Variants in GANC observed in about 807,000 individuals in gnomAD.
The protein encoded by GANC is neutral alpha-glucosidase C.
A neutral mutation model predicts 124.2 loss-of-function variants in GANC; 117 were observed. The observed-to-expected ratio is 0.94, with a 90% CI of 0.81 to 1.10. The LOEUF is 1.10. GANC is among the 50% of genes least tolerant of loss of function. The pLI, the probability that GANC is intolerant of heterozygous loss-of-function variation, is 0.00. For missense variants in GANC, 1,140 were observed against 1,095.0 expected (o/e 1.04, Z -0.58); for synonymous variants, 377 against 376.8 (o/e 1.00, Z -0.01).
intron 10 of GANC, chr15:42,313,980 ATT>A (rs2052080267): frequency 1.4e-5 from 9 of 666,006 alleles, no homozygotes; most frequent in Non-Finnish European, 2.4e-5. Flanking sequence ...CAACAACAAA[ATT>A]AATGTAATAG....
In GANC at chr15:42,274,277, G is replaced by A; in HGVS notation, c.-205G>A. The A allele has an allele frequency of 1.7e-6, 1 of 603,470 alleles. No individual in the cohort carries two copies. The highest frequency in any genetic ancestry group is 2.9e-6 in the Non-Finnish European group (1 of 339,344). The allele number at this position is 603,470 out of a possible 1,614,324, so 37.4% of individuals were successfully genotyped here. On this transcript the variant is annotated 5_prime_UTR_variant, in exon 1 of 24. Coordinates refer to ENST00000318010, the MANE Select transcript of GANC (RefSeq NM_198141.3). ...CAAATTTGCCAAATAAATCATTGTAGAAACGCTAGTTTGGGCCTGAAAAAT... is the reference window on the plus strand; with the variant it reads ...CAAATTTGCCAAATAAATCATTGTAAAAACGCTAGTTTGGGCCTGAAAAAT...
intron 11 of GANC, among the ~76,000 whole-genome samples, chr15:42,323,738 G>A (rs533899547): frequency 6.6e-6 from 1 of 152,230 alleles, no homozygotes; most frequent in Non-Finnish European, 1.5e-5. Context: ...CCTGACTTCA[G>A]GTGATCCGCC....
Position 42,351,405 on chromosome 15 carries a change from C to A in GANC, c.2608C>A (p.Pro870Thr), listed in dbSNP as rs1043614299. ...CTTGGTCTTAGGCTTCAGGAAGGAGCCATCTTCTGTGACTACCCACTCATC... is the reference window on the plus strand; with the variant it reads ...CTTGGTCTTAGGCTTCAGGAAGGAGACATCTTCTGTGACTACCCACTCATC... ...KILVLGFRKE[P>T]SSVTTHSSDG... is the part of the protein sequence containing the mutation. The change falls in exon 23 of 24, where the codon CCA becomes ACA. Residue 870 changes from proline to threonine, a missense_variant. Physicochemically the swap from Pro to Thr is conservative, Grantham distance 38 (BLOSUM62 -1). Coordinates refer to ENST00000318010, the MANE Select transcript of GANC (RefSeq NM_198141.3). The A allele has an allele frequency of 1.2e-6, 2 of 1,613,514 alleles. No individual in the cohort carries two copies. The highest frequency in any genetic ancestry group is 3.3e-5 in the Admixed American group (2 of 60,002).
At chr15:42,306,270 T>A (rs2051994526) in intron 6 of GANC, among the ~76,000 whole-genome samples, 1 of 152,184 alleles carries the variant, frequency 6.6e-6, no homozygotes, top group Admixed American at 6.5e-5. Flanking sequence ...AACTTTATAC[T>A]TGAAAATAGT....
At chr15:42,349,895 C>T (rs973605565) in intron 22 of GANC, among the ~76,000 whole-genome samples, 1 of 152,042 alleles carries the variant, frequency 6.6e-6, no homozygotes, top group African/African-American at 2.4e-5. Flanking sequence ...GTGATCCACC[C>T]ACCTCAGCCT....
intron 7 of GANC, 106 bp downstream of exon 7, chr15:42,306,718 A>G: frequency 1.5e-6 from 1 of 658,156 alleles, no homozygotes; most frequent in Admixed American, 3.0e-5. Context: ...GGTGACTTTA[A>G]CAGAAGAACA....
At position 42,297,654 on chromosome 15, in the gene GANC, C is replaced by T; in HGVS notation, c.556C>T (p.Gln186Ter). Reference protein sequence around the residue: ...NEEETSVDTSQENQEDLGLWE... With the variant: ...NEEETSVDTS ...GGAGGAGACATCAGTGGACACCTCT[C>T]AGGTAATCTAGATTGATCCATTTAT... The change falls in exon 6 of 24, where the codon CAG (glutamine) becomes TAG (stop). Residue 186 changes from glutamine (Q) to a stop codon, truncating the protein, a stop_gained and splice_region_variant. Coordinates refer to ENST00000318010, the MANE Select transcript of GANC (RefSeq NM_198141.3). LOFTEE classifies it high-confidence loss of function. 6.2e-7 allele frequency: 1 copy of T among 1,604,032 alleles called. No individual in the cohort carries two copies.
chr15:42,300,413 C>T (rs2051934177), intron 6 of GANC, among the ~76,000 whole-genome samples: 1 of 152,066 alleles, frequency 6.6e-6, no homozygotes, highest in African/African-American at 2.4e-5. Context: ...TACCATCTCA[C>T]ACCAGTCAGA....
At chr15:42,281,528 T>TA (rs2051734042) in intron 3 of GANC, among the ~76,000 whole-genome samples, 1 of 151,862 alleles carries the variant, frequency 6.6e-6, no homozygotes, top group Non-Finnish European at 1.5e-5. Context: ...CTACTAAAAA[T>TA]ACAAAAATTA....
Position 42,274,483 on chromosome 15 carries a change from TG to T in GANC, c.4del (p.Glu2?). On this transcript the variant is annotated frameshift_variant and start_lost, in exon 1 of 24. Coordinates refer to ENST00000318010, the MANE Select transcript of GANC (RefSeq NM_198141.3). LOFTEE classifies it high-confidence loss of function. The part of the protein sequence containing the change: [M>X]EAAVKEEISL... ...GCTGGTCGGAGTGACAGAGAAGCCA[TG>T]GAAGCAGCAGTGAAAGAGGAAATAA... 1 of 1,610,852 alleles carries T rather than the reference TG, an allele frequency of 6.2e-7. No homozygotes were observed. Among genetic ancestry groups the T allele is most frequent in the South Asian group, 1.1e-5 (1 of 90,030 alleles).
intron 2 of GANC, 61 bp from the exon 3 acceptor site, chr15:42,278,421 G>A (rs2051697473): frequency 1.8e-6 from 2 of 1,116,100 alleles, no homozygotes; most frequent in Non-Finnish European, 2.7e-6. Context: ...TGATAATATA[G>A]TCTTTTGGAT....
chr15:42,324,091 A>C (rs77401966), intron 11 of GANC, among the ~76,000 whole-genome samples: 5 of 132,276 alleles, frequency 3.8e-5, no homozygotes, highest in African/African-American at 1.3e-4. Context: ...CAGCAACAAC[A>C]AAAAAAAACA....
chr15:42,296,850 CTT>C (rs774454911), intron 5 of GANC, among the ~76,000 whole-genome samples: 8 of 134,410 alleles, frequency 6.0e-5, no homozygotes, highest in Admixed American at 2.2e-4. Flanking sequence ...TTTCTTTTTC[CTT>C]TTTTTTTTTT....
chr15:42,340,021 A>G, intron 17 of GANC, 109 bp downstream of exon 17: 1 of 1,381,024 alleles, frequency 7.2e-7, no homozygotes, highest in Middle Eastern at 1.9e-4. Context: ...AGGTGAAGAA[A>G]AGCTACATGT....
chr15:42,350,947 C>T (rs184170006), intron 22 of GANC, among the ~76,000 whole-genome samples: 1 of 151,982 alleles, frequency 6.6e-6, no homozygotes, highest in East Asian at 1.9e-4. Context: ...TCTCAGCTCA[C>T]TGCAACCTCT....
intron 18 of GANC, among the ~76,000 whole-genome samples, chr15:42,340,978 C>G (rs745363185): frequency 6.6e-6 from 1 of 152,002 alleles, no homozygotes. Flanking sequence ...CTTGGCCAGG[C>G]TGGTCTTGAA....
In GANC at chr15:42,343,130, T is replaced by C. The variant is rs368423128; in HGVS notation, c.2205T>C (p.Asp735=). The part of the protein sequence containing the change: ...PVTEPKATTV[D]VFLPGSNEVW... ...CAGAACCAAAAGCCACCACAGTTGA[T>C]GTGTTTCTTCCAGGATCAAATGAGG... The change falls in exon 19 of 24, where the codon GAT becomes GAC. Residue 735 remains aspartate (D), a synonymous_variant. Coordinates refer to ENST00000318010, the MANE Select transcript of GANC (RefSeq NM_198141.3). The C allele has an allele frequency of 3.7e-6, 6 of 1,614,000 alleles. No homozygotes were observed. The highest frequency in any genetic ancestry group is 5.1e-6 in the Non-Finnish European group (6 of 1,179,980).
At position 42,339,799 on chromosome 15, in the gene GANC, T is replaced by C; in HGVS notation, c.1974T>C (p.Phe658=). 6.2e-7 allele frequency: 1 copy of C among 1,614,148 alleles called. No individual in the cohort carries two copies. Among genetic ancestry groups the C allele is most frequent in the Non-Finnish European group, 8.5e-7 (1 of 1,180,014 alleles). The change falls in exon 17 of 24, where the codon TTT becomes TTC. Residue 658 remains phenylalanine (F), a synonymous_variant. Coordinates refer to ENST00000318010, the MANE Select transcript of GANC (RefSeq NM_198141.3). ...MNTKRREPWL[F]GEEHTRLIRE... Reference sequence around the variant, plus strand: ...CCAAGCGACGAGAGCCCTGGCTCTTTGGGGAGGAACACACCCGACTCATCC... The same window carrying C: ...CCAAGCGACGAGAGCCCTGGCTCTTCGGGGAGGAACACACCCGACTCATCC...
intron 6 of GANC, among the ~76,000 whole-genome samples, chr15:42,306,083 G>A (rs1188271976): frequency 6.6e-6 from 1 of 150,636 alleles, no homozygotes; most frequent in Non-Finnish European, 1.5e-5. Context: ...CTGGAGTGCA[G>A]TGGTGTGATA....
Sources: allele counts gnomAD v4.1 joint callset (sites outside exome capture counted in the v4.1 genomes callset), GRCh38; gene constraint gnomAD v4.1.1; transcripts MANE v1.5; gene names NCBI Gene and HGNC (gene_info 2026-07-23, HGNC 2026-07-21).